PLCB1: variants seen among roughly 807,000 people sequenced by gnomAD.
PLCB1 encodes 1-phosphatidylinositol 4,5-bisphosphate phosphodiesterase beta-1.
A neutral mutation model predicts 161.8 loss-of-function variants in PLCB1; 46 were observed. The observed-to-expected ratio is 0.28, with a 90% confidence interval of 0.22 to 0.36. PLCB1 has a LOEUF of 0.36. PLCB1 is among the 10% of genes least tolerant of loss of function. The probability of loss-of-function intolerance (pLI) is 1.00; values close to 1 mark genes in which losing one functional copy is unlikely to be tolerated. For missense variants in PLCB1, 1,016 were observed against 1,472.5 expected, an observed-to-expected ratio of 0.69 and a Z score of 5.07; for synonymous variants, 517 against 503.7, an observed-to-expected ratio of 1.03 and a Z score of -0.35.
At chr20:8,673,026 C>T (rs1295527234) in intron 9 of PLCB1, among the ~76,000 whole-genome samples, 1 of 151,896 alleles carries the variant, frequency 6.6e-6, no homozygotes, top group African/African-American at 2.4e-5. Flanking sequence ...GCAGGAGAAT[C>T]GCTTGAACCT....
chr20:8,654,244 GT>G (rs1989392957), intron 7 of PLCB1, among the ~76,000 whole-genome samples: 1 of 151,900 alleles, frequency 6.6e-6, no homozygotes, highest in Non-Finnish European at 1.5e-5. Flanking sequence ...GTACTTTGCA[GT>G]TTCTAAAATA....
At chr20:8,557,708 A>G (rs1316590471) in intron 3 of PLCB1, among the ~76,000 whole-genome samples, 2 of 152,012 alleles carry the variant, frequency 1.3e-5, no homozygotes, top group African/African-American at 4.8e-5. Flanking sequence ...AAGTTGGGCT[A>G]TCTATATTTT....
intron 2 of PLCB1, among the ~76,000 whole-genome samples, chr20:8,300,205 C>T (rs1378729278): frequency 6.6e-6 from 1 of 152,152 alleles, no homozygotes; most frequent in African/African-American, 2.4e-5. Flanking sequence ...ATGACAGAGG[C>T]ACAACAGCAC....
rs117076596 is a variant in PLCB1, at chr20:8,345,109, C to A, written c.178-26273C>A. ...TTTGAAAAGTAAAGAAGCTTCAAAA[C>A]TGTCAAAGTTGGCTCTTCTTTCACT... is the stretch of plus-strand genomic sequence containing the variant. On this transcript the variant is annotated intron_variant, in intron 2 of 31. Transcript: ENST00000338037. Among the ~76,000 whole-genome samples, 1,194 of 152,288 alleles carry A rather than the reference C, an allele frequency of 7.8e-3. 18 individuals are homozygous for A. The highest frequency in any genetic ancestry group is 0.013 in the Non-Finnish European group (855 of 68,010).
intron 3 of PLCB1, among the ~76,000 whole-genome samples, chr20:8,421,354 G>A (rs1273062084): frequency 6.6e-6 from 1 of 151,796 alleles, no homozygotes; most frequent in South Asian, 2.1e-4. Context: ...TTTTTGTTTT[G>A]CCTTGTTTAA....
intron 3 of PLCB1, among the ~76,000 whole-genome samples, chr20:8,616,453 G>A (rs1988042179): frequency 6.6e-6 from 1 of 152,070 alleles, no homozygotes; most frequent in African/African-American, 2.4e-5. Flanking sequence ...AGCCCTCTCT[G>A]ATTTCATTAA....
Position 8,169,669 on chromosome 20 carries a change from CCT to C in PLCB1, c.177+19299_177+19300del, listed in dbSNP as rs543916191. Among the ~76,000 whole-genome samples the C allele has an allele frequency of 3.6e-3, 547 of 152,166 alleles. 4 individuals are homozygous for C. The highest frequency in any genetic ancestry group is 0.024 in the Middle Eastern group (7 of 292). On this transcript the variant is annotated intron_variant, in intron 2 of 31. Transcript: ENST00000338037. ...AATACTGCCAAGTTGCAGATAAATC[CCT>C]GATTGGACAACTATCTAAGAGTTAG...
chr20:8,644,379 T>C (rs1339004827), intron 4 of PLCB1, among the ~76,000 whole-genome samples: 2 of 142,068 alleles, frequency 1.4e-5, no homozygotes, highest in Non-Finnish European at 3.0e-5. Context: ...CCATCCCATC[T>C]AGGAAGTGAG....
chr20:8,360,702 C>T (rs760971952), intron 2 of PLCB1, among the ~76,000 whole-genome samples: 96 of 152,186 alleles, frequency 6.3e-4, no homozygotes, highest in Non-Finnish European at 7.9e-4. Context: ...GGTTGAATTC[C>T]GTCTGTCTTG....
chr20:8,467,579 A>G (rs980151194), intron 3 of PLCB1, among the ~76,000 whole-genome samples: 2 of 152,170 alleles, frequency 1.3e-5, no homozygotes. Context: ...AAAGGCCTCT[A>G]TGAACTACCA....
At chr20:8,443,930 T>G (rs1310499900) in intron 3 of PLCB1, among the ~76,000 whole-genome samples, 1 of 152,194 alleles carries the variant, frequency 6.6e-6, no homozygotes, top group African/African-American at 2.4e-5. Flanking sequence ...TACCAACTTC[T>G]TTTGTTGGTT....
intron 2 of PLCB1, among the ~76,000 whole-genome samples, chr20:8,290,250 G>T (rs1983322478): frequency 6.6e-6 from 1 of 152,152 alleles, no homozygotes; most frequent in Non-Finnish European, 1.5e-5. Context: ...CTCTGTCTTG[G>T]TTTGGGTTCC....
At chr20:8,796,956 C>T (rs1307670450) in intron 31 of PLCB1, among the ~76,000 whole-genome samples, 1 of 152,132 alleles carries the variant, frequency 6.6e-6, no homozygotes, top group African/African-American at 2.4e-5. Flanking sequence ...CTAGAAGTTC[C>T]TTTCATGCGG....
At chr20:8,323,501 G>A (rs1422087225) in intron 2 of PLCB1, among the ~76,000 whole-genome samples, 1 of 152,086 alleles carries the variant, frequency 6.6e-6, no homozygotes, top group Non-Finnish European at 1.5e-5. Context: ...AAACAGCTGG[G>A]CATTGGTGTC....
intron 31 of PLCB1, among the ~76,000 whole-genome samples, chr20:8,839,731 T>A (rs1986422251): frequency 7.9e-6 from 1 of 126,660 alleles, no homozygotes; most frequent in Non-Finnish European, 1.7e-5. Context: ...TTTTTAGTAA[T>A]TCTTAAAAAA....
intron 16 of PLCB1, among the ~76,000 whole-genome samples, chr20:8,726,431 G>A (rs1324629445): frequency 6.6e-6 from 1 of 152,046 alleles, no homozygotes; most frequent in Non-Finnish European, 1.5e-5. Flanking sequence ...AAATATCCGA[G>A]ACTGGGTAAT....
intron 2 of PLCB1, among the ~76,000 whole-genome samples, chr20:8,150,904 TAAA>T (rs1239070397): frequency 6.6e-6 from 1 of 152,186 alleles, no homozygotes; most frequent in African/African-American, 2.4e-5. Flanking sequence ...AATTTCTTAC[TAAA>T]TTAGCTTTCT....
chr20:8,729,478 T>C (rs1980116464), intron 18 of PLCB1: 1 of 181,232 alleles, frequency 5.5e-6, no homozygotes, highest in Admixed American at 6.2e-5. Flanking sequence ...ATTCAGTAAG[T>C]ATTTTAAAAA....
chr20:8,666,160 G>A (rs1249985212), intron 9 of PLCB1, among the ~76,000 whole-genome samples: 2 of 152,046 alleles, frequency 1.3e-5, no homozygotes, highest in African/African-American at 2.4e-5. Flanking sequence ...AGAGTTCCTC[G>A]GTGAGACTGA....
Sources: gnomAD v4.1 joint callset for allele counts (sites outside exome capture counted in the v4.1 genomes callset) on GRCh38, gnomAD v4.1.1 for gene constraint, MANE v1.5 for transcripts, NCBI Gene and HGNC (gene_info 2026-07-23, HGNC 2026-07-21) for gene names.